The following CCSER1 variants were observed in gnomAD, a reference collection of about 807,000 sequenced individuals.
CCSER1 encodes serine-rich coiled-coil domain-containing protein 1.
A neutral mutation model predicts 82.0 loss-of-function variants in CCSER1; 41 were observed. The observed-to-expected ratio is 0.50, with a 90% CI of 0.39 to 0.65. The LOEUF is 0.65. Ranked by LOEUF, CCSER1 falls within the 30% of genes least tolerant of loss-of-function variation. The pLI is 0.00. For missense variants in CCSER1, 1,119 were observed against 1,064.2 expected, an observed-to-expected ratio of 1.05 and a Z score of -0.72; for synonymous variants, 414 against 383.9, an observed-to-expected ratio of 1.08 and a Z score of -0.92.
chr4:91,091,611 A>T (rs1318358414), intron 10 of CCSER1, among the ~76,000 whole-genome samples: 1 of 152,154 alleles, frequency 6.6e-6, no homozygotes, highest in Admixed American at 6.6e-5. Context: ...TCCGGGTGTG[A>T]CTGGAGCAGG....
intron 10 of CCSER1, among the ~76,000 whole-genome samples, chr4:91,482,638 T>C (rs1170706099): frequency 6.6e-6 from 1 of 152,012 alleles, no homozygotes; most frequent in Non-Finnish European, 1.5e-5. Flanking sequence ...TAAAGACACA[T>C]GCACACGTAT....
intron 1 of CCSER1, among the ~76,000 whole-genome samples, chr4:90,285,543 A>C (rs1729711610): frequency 6.6e-6 from 1 of 152,002 alleles, no homozygotes; most frequent in South Asian, 2.1e-4. Context: ...TTTTCTGGTT[A>C]AGTCTTTCAG....
At chr4:91,379,305 G>A (rs1180795812) in intron 10 of CCSER1, among the ~76,000 whole-genome samples, 1 of 152,112 alleles carries the variant, frequency 6.6e-6, no homozygotes, top group Non-Finnish European at 1.5e-5. Context: ...TCTATTGATT[G>A]GAATAGTTTC....
At chr4:91,167,465 T>G (rs1732216290) in intron 10 of CCSER1, among the ~76,000 whole-genome samples, 1 of 152,186 alleles carries the variant, frequency 6.6e-6, no homozygotes, top group African/African-American at 2.4e-5. Flanking sequence ...ATTACAGGCA[T>G]GAGCCACTGC....
intron 3 of CCSER1, among the ~76,000 whole-genome samples, chr4:90,394,058 G>A (rs921528704): frequency 6.6e-6 from 1 of 150,710 alleles, no homozygotes; most frequent in African/African-American, 2.4e-5. Context: ...GGGATTACAG[G>A]TGTGAGCCAC....
chr4:91,550,262 G>C (rs1475161363), intron 10 of CCSER1, among the ~76,000 whole-genome samples: 1 of 152,190 alleles, frequency 6.6e-6, no homozygotes, highest in Admixed American at 6.5e-5. Context: ...GGACTTCGTA[G>C]GGCTTTTGCA....
intron 10 of CCSER1, among the ~76,000 whole-genome samples, chr4:91,346,528 GATAA>G (rs1748072395): frequency 6.6e-6 from 1 of 152,140 alleles, no homozygotes; most frequent in Admixed American, 6.5e-5. Flanking sequence ...TGGATCCTAT[GATAA>G]GAGTGTGTTT....
chr4:90,970,943 C>T (rs1735044549), intron 9 of CCSER1, among the ~76,000 whole-genome samples: 1 of 151,670 alleles, frequency 6.6e-6, no homozygotes, highest in African/African-American at 2.4e-5. Flanking sequence ...AATTTTATAT[C>T]AATAAATGCC....
At chr4:90,391,662 A>G (rs1751173448) in intron 3 of CCSER1, among the ~76,000 whole-genome samples, 1 of 151,262 alleles carries the variant, frequency 6.6e-6, no homozygotes, top group South Asian at 2.1e-4. Context: ...AGTGTGTAGA[A>G]CAAATTATAA....
At chr4:90,969,387 G>T (rs1382072799) in intron 9 of CCSER1, among the ~76,000 whole-genome samples, 2 of 151,854 alleles carry the variant, frequency 1.3e-5, no homozygotes, top group African/African-American at 4.8e-5. Flanking sequence ...GACAAAGAAA[G>T]AATTTTGAAA....
chr4:91,580,590 C>T (rs1042953789), intron 10 of CCSER1, among the ~76,000 whole-genome samples: 2 of 151,706 alleles, frequency 1.3e-5, no homozygotes, highest in African/African-American at 4.8e-5. Context: ...ACCTGGTGAA[C>T]AGGCAGGCAT....
intron 9 of CCSER1, 158 bp downstream of exon 9, chr4:90,923,605 G>A: frequency 5.7e-6 from 3 of 527,330 alleles, no homozygotes; most frequent in African/African-American, 1.9e-5. Context: ...AATACCTCCT[G>A]GAACTAAAAA....
chr4:91,549,794 C>T (rs1226386651), intron 10 of CCSER1, among the ~76,000 whole-genome samples: 1 of 152,128 alleles, frequency 6.6e-6, no homozygotes, highest in Non-Finnish European at 1.5e-5. Flanking sequence ...AAGATTGCAT[C>T]ACTGCACTTC....
intron 10 of CCSER1, among the ~76,000 whole-genome samples, chr4:91,416,193 A>G (rs1753352124): frequency 6.6e-6 from 1 of 152,154 alleles, no homozygotes; most frequent in Non-Finnish European, 1.5e-5. Flanking sequence ...TCCTCAAGGA[A>G]ATCAGAGAGA....
At chr4:90,810,145 A>G (rs2149736832) in intron 7 of CCSER1, among the ~76,000 whole-genome samples, 1 of 152,162 alleles carries the variant, frequency 6.6e-6, no homozygotes, top group East Asian at 1.9e-4. Flanking sequence ...TTTTTCAAAT[A>G]GAGATGGTGT....
At position 90,271,850 on chromosome 4, in the gene CCSER1, ATATATATATATATTTTTTTTTTTTTTT is replaced by A. The variant is rs1726467708; in HGVS notation, c.-41-36392_-41-36366del. On this transcript the variant is annotated intron_variant, in intron 1 of 10. Coordinates refer to ENST00000509176, the MANE Select transcript of CCSER1 (RefSeq NM_001145065.2). ...TTTATATATATATATATATATATATATATATATATATATTTTTTTTTTTTTTTTTTTTTTTTTTTTAAAAGGAGGTTT... is the reference window on the plus strand; with the variant it reads ...TTTATATATATATATATATATATATATTTTTTTTTTTTTAAAAGGAGGTTT... 2.6e-4 allele frequency among the ~76,000 whole-genome samples: 6 copies of A among 23,124 alleles called. No homozygotes were observed. The African/African-American group carries it at 2.9e-3, about 11-fold the overall frequency. 15.2% of individuals were successfully genotyped at this position (23,124 alleles called of 152,430 possible).
chr4:91,513,327 G>A (rs1300216489), intron 10 of CCSER1, among the ~76,000 whole-genome samples: 1 of 152,088 alleles, frequency 6.6e-6, no homozygotes, highest in Non-Finnish European at 1.5e-5. Flanking sequence ...TTATCATGGT[G>A]AATTAACTTT....
chr4:90,698,905 G>A (rs1737490758), intron 6 of CCSER1, among the ~76,000 whole-genome samples: 1 of 152,000 alleles, frequency 6.6e-6, no homozygotes, highest in South Asian at 2.1e-4. Flanking sequence ...AGGAGTTTGA[G>A]AACAGCCTGG....
At chr4:90,597,069 G>A (rs1012764716) in intron 5 of CCSER1, among the ~76,000 whole-genome samples, 9 of 151,852 alleles carry the variant, frequency 5.9e-5, no homozygotes, top group Admixed American at 4.6e-4. Flanking sequence ...TTTCAAAAAG[G>A]CATTTTATAA....
Sources: gnomAD v4.1 joint callset for allele counts (sites outside exome capture counted in the v4.1 genomes callset) on GRCh38, gnomAD v4.1.1 for gene constraint, MANE v1.5 for transcripts, NCBI Gene and HGNC (gene_info 2026-07-23, HGNC 2026-07-21) for gene names.